The following SLC44A5 variants were observed in gnomAD, a reference collection of about 807,000 sequenced individuals.
SLC44A5 encodes the protein solute carrier family 44 member 5.
In SLC44A5, 57 loss-of-function variants were observed where a neutral mutation model predicts 101.8. The ratio of observed to expected loss-of-function variants is 0.56; its 90% confidence interval spans 0.45 to 0.70. The LOEUF is 0.70. Among genes scored for constraint, SLC44A5 ranks in the 30% least tolerant of loss-of-function variants. The probability of loss-of-function intolerance (pLI) is 0.00; values close to 1 mark genes in which losing one functional copy is unlikely to be tolerated. For missense variants in SLC44A5, 737 were observed against 853.1 expected (o/e 0.86, Z 1.70); for synonymous variants, 281 against 290.9 (o/e 0.97, Z 0.35).
chr1:75,218,495 G>A lies in SLC44A5; in HGVS notation c.1524C>T (p.Ala508=), dbSNP rs144034767. 7.1e-4 allele frequency: 1,151 copies of A among 1,613,574 alleles called. 2 individuals are homozygous for A. The highest frequency in any genetic ancestry group is 8.9e-4 in the Non-Finnish European group (1,054 of 1,179,606). Residue 508 remains alanine, a synonymous_variant, in exon 17 of 24, where the codon GCC becomes GCT. Coordinates refer to ENST00000370859, the MANE Select transcript of SLC44A5 (RefSeq NM_001130058.2). ...RYPLFTAFGR[A]IRYHTGSLAF... is the part of the protein sequence containing the mutation. ...GGCTTCAACTTGAAACTTACCGTAT[G>A]GCTCGTCCAAATGCAGTAAAAAGTG...
the SLC44A5 span, among the ~76,000 whole-genome samples, chr1:75,651,284 T>G: frequency 6.6e-6 from 1 of 152,178 alleles, no homozygotes. Flanking sequence ...ATTGCTTATC[T>G]TAGTATTTCT....
the SLC44A5 span, among the ~76,000 whole-genome samples, chr1:75,713,340 A>C: frequency 6.6e-6 from 1 of 152,204 alleles, no homozygotes; most frequent in Non-Finnish European, 1.5e-5. Flanking sequence ...TATTTCCTCC[A>C]TAATGTCTAC....
At chr1:75,359,392 G>A (rs1012229820) in intron 3 of SLC44A5, among the ~76,000 whole-genome samples, 13 of 149,834 alleles carry the variant, frequency 8.7e-5, no homozygotes, top group African/African-American at 2.2e-4. Flanking sequence ...ATGCCACCAC[G>A]CTGGCTAATT....
intron 5 of SLC44A5, among the ~76,000 whole-genome samples, chr1:75,297,641 G>T (rs1192552628): frequency 1.3e-5 from 2 of 152,142 alleles, no homozygotes; most frequent in African/African-American, 4.8e-5. Context: ...TATACTTAAT[G>T]ATAGCAATAA....
chr1:75,522,349 CTT>C (rs550038971), intron 2 of SLC44A5: 7 of 31,372 alleles, frequency 2.2e-4, no homozygotes, highest in African/African-American at 6.1e-4. Context: ...ACAATCAGGA[CTT>C]TTTTTTAAAA....
At chr1:75,443,205 C>A (rs1471465815) in intron 2 of SLC44A5, among the ~76,000 whole-genome samples, 2 of 151,528 alleles carry the variant, frequency 1.3e-5, no homozygotes, top group South Asian at 2.1e-4. Context: ...ATAAGAAATG[C>A]TGAAAATTAA....
At chr1:75,407,254 G>C (rs1229694188) in intron 2 of SLC44A5, among the ~76,000 whole-genome samples, 1 of 152,084 alleles carries the variant, frequency 6.6e-6, no homozygotes, top group African/African-American at 2.4e-5. Context: ...TGGATAGGAA[G>C]AATCAATATC....
At chr1:75,597,837 C>A (rs1313465067) in intron 1 of SLC44A5, among the ~76,000 whole-genome samples, 3 of 151,904 alleles carry the variant, frequency 2.0e-5, no homozygotes, top group African/African-American at 7.3e-5. Context: ...GTATAAAGTC[C>A]AGAAAGACAA....
At chr1:75,317,138 T>TATG (rs1232522647) in intron 4 of SLC44A5, among the ~76,000 whole-genome samples, 1 of 152,218 alleles carries the variant, frequency 6.6e-6, no homozygotes, top group Non-Finnish European at 1.5e-5. Context: ...ACCAAGAGAC[T>TATG]ATGTATGTTC....
At chr1:75,721,153 C>A in the SLC44A5 span, among the ~76,000 whole-genome samples, 3 of 152,178 alleles carry the variant, frequency 2.0e-5, no homozygotes, top group Non-Finnish European at 2.9e-5. Context: ...GCATGTCCAA[C>A]CCCCACTTCC....
intron 5 of SLC44A5, among the ~76,000 whole-genome samples, chr1:75,288,922 A>G (rs932158600): frequency 3.9e-5 from 6 of 152,326 alleles, no homozygotes; most frequent in African/African-American, 1.4e-4. Context: ...ATTCCACAGG[A>G]TGCCACACAG....
chr1:75,221,560 T>C (rs1647081562), intron 14 of SLC44A5, among the ~76,000 whole-genome samples: 1 of 152,192 alleles, frequency 6.6e-6, no homozygotes, highest in African/African-American at 2.4e-5. Context: ...CTAGAATCAA[T>C]TGTCCTGTCT....
At chr1:75,605,799 C>G (rs1346223479) in intron 1 of SLC44A5, among the ~76,000 whole-genome samples, 2 of 152,050 alleles carry the variant, frequency 1.3e-5, no homozygotes, top group African/African-American at 2.4e-5. Flanking sequence ...AAACACAGAA[C>G]AATGGGATAG....
At chr1:75,252,624 G>T (rs1649676682) in intron 6 of SLC44A5, among the ~76,000 whole-genome samples, 1 of 152,190 alleles carries the variant, frequency 6.6e-6, no homozygotes, top group South Asian at 2.1e-4. Flanking sequence ...AGAGACTGAA[G>T]ATGCAGTAAG....
chr1:75,534,829 T>C lies in SLC44A5; in HGVS notation c.13+6606A>G, dbSNP rs77449743. On this transcript the variant is annotated intron_variant, in intron 2 of 23. Coordinates refer to ENST00000370859, the MANE Select transcript of SLC44A5 (RefSeq NM_001130058.2). The stretch of plus-strand genomic sequence containing the variant: ...AGGCAGACATACAGAATTGGAAAAA[T>C]AAGAAAAAGAGGTGAGAGAGAGATA... 3.3e-5 allele frequency among the ~76,000 whole-genome samples: 5 copies of C among 152,080 alleles called. No individual in the cohort carries two copies. The East Asian group carries it at 9.6e-4, about 29-fold the overall frequency.
intron 2 of SLC44A5, among the ~76,000 whole-genome samples, chr1:75,536,631 G>GAAAAAAGA (rs59475826): frequency 0.89 from 113,187 of 126,652 alleles, 51,985 homozygotes; most frequent in Non-Finnish European, 0.99. Context: ...AGAAAAGAAA[G>GAAAAAAGA]AAAAAAAAAG....
intron 2 of SLC44A5, among the ~76,000 whole-genome samples, chr1:75,519,441 C>T (rs1670000531): frequency 6.6e-6 from 1 of 152,096 alleles, no homozygotes; most frequent in Admixed American, 6.5e-5. Context: ...GCCTGTAATC[C>T]CAGCGACTTG....
At chr1:75,238,013 C>T (rs965251257) in intron 10 of SLC44A5, among the ~76,000 whole-genome samples, 31 of 150,846 alleles carry the variant, frequency 2.1e-4, no homozygotes, top group African/African-American at 7.1e-4. Context: ...AGCCAAGGGA[C>T]GTGGGGAATT....
the SLC44A5 span, among the ~76,000 whole-genome samples, chr1:75,651,746 C>T: frequency 6.6e-6 from 1 of 151,146 alleles, no homozygotes; most frequent in South Asian, 2.1e-4. Flanking sequence ...TCTTGGCCAG[C>T]CACATTACTG....
Sources: gnomAD v4.1 joint callset for allele counts (sites outside exome capture counted in the v4.1 genomes callset) on GRCh38, gnomAD v4.1.1 for gene constraint, MANE v1.5 for transcripts, NCBI Gene and HGNC (gene_info 2026-07-23, HGNC 2026-07-21) for gene names.